PHGDH: variants seen among roughly 807,000 people sequenced by gnomAD.
PHGDH encodes phosphoglycerate dehydrogenase, also known as D-3-phosphoglycerate dehydrogenase.
A neutral mutation model predicts 52.6 loss-of-function variants in PHGDH; 50 were observed. That is an observed-to-expected ratio of 0.95 (90% CI 0.76 to 1.20). The LOEUF is 1.20. Among genes scored for constraint, PHGDH ranks in the 50% most tolerant of loss-of-function variants. PHGDH has a pLI of 0.00. For synonymous variants in PHGDH, 271 were observed against 280.5 expected (o/e 0.97, Z 0.34); for missense variants, 630 against 684.6 (o/e 0.92, Z 0.89).
In PHGDH at chr1:119,721,241, C is replaced by T; in HGVS notation, c.210C>T (p.Leu70=). 6.2e-7 allele frequency: 1 copy of T among 1,614,158 alleles called. No individual in the cohort carries two copies. Among genetic ancestry groups the T allele is most frequent in the Non-Finnish European group, 8.5e-7 (1 of 1,180,022 alleles). ...TADVINAAEK[L]QVVGRAGTGV... ...ATGTCATCAACGCAGCTGAGAAACTCCAGGTGGTGGGCAGGGCTGGCACAG... is the reference window on the plus strand; with the variant it reads ...ATGTCATCAACGCAGCTGAGAAACTTCAGGTGGTGGGCAGGGCTGGCACAG... Residue 70 remains leucine, a synonymous_variant, in exon 2 of 12, where the codon CTC becomes CTT. Transcript: ENST00000641023.
At chr1:119,715,513 C>G (rs1650892449) in intron 1 of PHGDH, among the ~76,000 whole-genome samples, 1 of 152,148 alleles carries the variant, frequency 6.6e-6, no homozygotes, top group Non-Finnish European at 1.5e-5. Flanking sequence ...GGGAACATGA[C>G]CTGGATAGTT....
Position 119,712,017 on chromosome 1 carries a change from C to G in PHGDH, c.-6C>G, listed in dbSNP as rs938546617. On this transcript the variant is annotated 5_prime_UTR_variant, in exon 1 of 12. Transcript: ENST00000641023. ...ACAGCGGCCGATTCCGAGGCCAACT[C>G]CAGCAATGGCTTTTGCAAATCTGCG... The G allele has an allele frequency of 1.2e-6, 2 of 1,614,024 alleles. No individual in the cohort carries two copies. The highest frequency in any genetic ancestry group is 1.3e-5 in the African/African-American group (1 of 75,056).
Position 119,742,976 on chromosome 1 carries a change from G to A in PHGDH, c.1379G>A (p.Arg460His), listed in dbSNP as rs587696887. The A allele has an allele frequency of 2.9e-5, 47 of 1,614,032 alleles. No individual in the cohort carries two copies. Among genetic ancestry groups the A allele is most frequent in the African/African-American group, 6.7e-5 (5 of 74,946 alleles). ...GAVFRPEVPL[R>H]RDLPLLLFRT... ...GTCTTCAGGCCAGAAGTGCCTCTCC[G>A]CAGGGACCTGCCCCTGCTCCTATTC... The change falls in exon 11 of 12, where the codon CGC (arginine) becomes CAC (histidine). Residue 460 changes from arginine to histidine, a missense_variant. Coordinates refer to ENST00000641023, the MANE Select transcript of PHGDH (RefSeq NM_006623.4).
intron 8 of PHGDH, among the ~76,000 whole-genome samples, chr1:119,738,787 G>A: frequency 6.6e-6 from 1 of 152,134 alleles, no homozygotes; most frequent in South Asian, 2.1e-4. Context: ...GGGTGGGGGA[G>A]GGAGGGGGAC....
At chr1:119,743,551 T>C (rs1462696107) in intron 11 of PHGDH, among the ~76,000 whole-genome samples, 1 of 152,224 alleles carries the variant, frequency 6.6e-6, no homozygotes, top group Non-Finnish European at 1.5e-5. Flanking sequence ...GCGGAGGGTG[T>C]GCCTTCAAAC....
chr1:119,737,090 T>G (rs747951970), intron 7 of PHGDH, 24 bp from the exon 8 acceptor site: 1 of 1,613,452 alleles, frequency 6.2e-7, no homozygotes, highest in Non-Finnish European at 8.5e-7. Context: ...GGCAGCCAAC[T>G]TAGAGGTATC....
At chr1:119,734,832 C>A (rs756216011) in intron 6 of PHGDH, 66 bp downstream of exon 6, 1 of 1,540,682 alleles carries the variant, frequency 6.5e-7, no homozygotes, top group African/African-American at 1.4e-5. Flanking sequence ...ATGGGCCCTC[C>A]ATCTGGGCCT....
chr1:119,727,243 G>A, intron 5 of PHGDH, 141 bp downstream of exon 5: 2 of 697,502 alleles, frequency 2.9e-6, no homozygotes, highest in Non-Finnish European at 5.2e-6. Context: ...AAGTGTTAAA[G>A]TCAAGGAGGG....
intron 1 of PHGDH, chr1:119,719,824 A>G (rs1476160662): frequency 6.6e-6 from 1 of 152,214 alleles, no homozygotes; most frequent in Admixed American, 6.5e-5. Flanking sequence ...TGCAGTGGGA[A>G]TGAAGGTAAA....
intron 3 of PHGDH, chr1:119,724,409 C>G (rs1570994736): frequency 4.6e-6 from 1 of 215,072 alleles, no homozygotes; most frequent in East Asian, 1.2e-4. Context: ...GAATTTACCT[C>G]TGCTCTAACT....
At chr1:119,740,979 C>G (rs1652177983) in intron 9 of PHGDH, among the ~76,000 whole-genome samples, 1 of 152,116 alleles carries the variant, frequency 6.6e-6, no homozygotes, top group Non-Finnish European at 1.5e-5. Context: ...GGTGAGGACA[C>G]TTTGTGCTCT....
At chr1:119,724,898 G>A (rs981283036) in intron 3 of PHGDH, 11 of 456,506 alleles carry the variant, frequency 2.4e-5, no homozygotes, top group African/African-American at 1.8e-4. Context: ...TAGGAAACAC[G>A]CACACCCTAT....
intron 9 of PHGDH, 93 bp from the exon 10 acceptor site, chr1:119,741,674 C>A: frequency 8.5e-7 from 1 of 1,171,304 alleles, no homozygotes; most frequent in Non-Finnish European, 1.3e-6. Context: ...CAGCGAGGAG[C>A]CCATAGTCCA....
intron 2 of PHGDH, among the ~76,000 whole-genome samples, chr1:119,722,357 C>T (rs775279389): frequency 7.2e-5 from 11 of 152,132 alleles, no homozygotes; most frequent in Non-Finnish European, 1.5e-4. Context: ...ATGAAAAAGA[C>T]AGACCCAGTA....
rs1199885820 is a variant in PHGDH at position 119,741,148 on chromosome 1, G to A, written c.1079-619G>A. Among the ~76,000 whole-genome samples the A allele has an allele frequency of 2.0e-5, 3 of 152,228 alleles. 1 individual carries two copies. The East Asian group carries it at 5.8e-4, about 29-fold the overall frequency. On this transcript the variant is annotated intron_variant, in intron 9 of 11. Transcript: ENST00000641023. ...AGTGGATCCAGTACTGTGCGGATGT[G>A]GTTGAGTGACCAAGGAGGGCTCCAG...
At chr1:119,714,426 G>GACGAGC (rs1166348276) in intron 1 of PHGDH, 1 of 152,170 alleles carries the variant, frequency 6.6e-6, no homozygotes, top group African/African-American at 2.4e-5. Context: ...AAGGGGTCAT[G>GACGAGC]ACGAGCATTT....
intron 5 of PHGDH, among the ~76,000 whole-genome samples, chr1:119,732,039 T>C (rs975376828): frequency 6.6e-6 from 1 of 152,236 alleles, no homozygotes; most frequent in Non-Finnish European, 1.5e-5. Flanking sequence ...GACCTATTTT[T>C]ATATTTGGGT....
chr1:119,719,442 T>C (rs41276624), intron 1 of PHGDH, among the ~76,000 whole-genome samples: 14,132 of 152,268 alleles, frequency 0.093, 842 homozygotes, highest in Non-Finnish European at 0.13. Flanking sequence ...TCTGACGTTC[T>C]GCTTCAGAAC....
At chr1:119,716,339 T>A (rs1031486687) in intron 1 of PHGDH, among the ~76,000 whole-genome samples, 2 of 152,122 alleles carry the variant, frequency 1.3e-5, no homozygotes, top group Non-Finnish European at 2.9e-5. Context: ...GACTACAGCA[T>A]AAATCTTTAC....
Sources: gnomAD v4.1 joint callset for allele counts (sites outside exome capture counted in the v4.1 genomes callset) on GRCh38, gnomAD v4.1.1 for gene constraint, MANE v1.5 for transcripts, NCBI Gene and HGNC (gene_info 2026-07-23, HGNC 2026-07-21) for gene names.